The following CAP2 variants were observed in gnomAD, a reference collection of about 807,000 sequenced individuals.
The protein encoded by CAP2 is adenylyl cyclase-associated protein 2.
A neutral mutation model predicts 57.7 loss-of-function variants in CAP2; 24 were observed. That is an observed-to-expected ratio of 0.42 (90% CI 0.30 to 0.58). CAP2 has a LOEUF of 0.58. Among genes scored for constraint, CAP2 ranks in the 20% least tolerant of loss-of-function variants. The pLI is 0.22. For synonymous variants in CAP2, 194 were observed against 207.2 expected (o/e 0.94, Z 0.55); for missense variants, 501 against 590.3 (o/e 0.85, Z 1.57).
chr6:17,407,954 C>CT (rs1759027107), intron 1 of CAP2, among the ~76,000 whole-genome samples: 1 of 152,134 alleles, frequency 6.6e-6, no homozygotes, highest in African/African-American at 2.4e-5. Flanking sequence ...TGGCCCAACA[C>CT]TTAAGAACTG....
chr6:17,507,019 G>T (rs896818132), intron 4 of CAP2, 150 bp from the exon 5 acceptor site: 1 of 755,154 alleles, frequency 1.3e-6, no homozygotes. Context: ...AAGAACAAAT[G>T]CATGCTGTTC....
chr6:17,424,122 A>G (rs907499680), intron 2 of CAP2, among the ~76,000 whole-genome samples: 10 of 151,964 alleles, frequency 6.6e-5, no homozygotes. Context: ...TAAAATCGGG[A>G]TGGACGCAGT....
chr6:17,466,413 C>T (rs1271070952), intron 4 of CAP2, among the ~76,000 whole-genome samples: 1 of 152,108 alleles, frequency 6.6e-6, no homozygotes, highest in Non-Finnish European at 1.5e-5. Context: ...TAAAATGTTC[C>T]CAGGTGATGT....
chr6:17,446,442 G>T (rs138136012), intron 3 of CAP2, among the ~76,000 whole-genome samples: 1 of 152,066 alleles, frequency 6.6e-6, no homozygotes, highest in African/African-American at 2.4e-5. Context: ...AACCATTATT[G>T]GGGTTACCTT....
At chr6:17,507,747 A>G in intron 6 of CAP2, 21 bp downstream of exon 6, 1 of 1,374,614 alleles carries the variant, frequency 7.3e-7, no homozygotes, top group Non-Finnish European at 1.0e-6. Flanking sequence ...TCCTTTACTC[A>G]CCAAATTTTC....
intron 4 of CAP2, among the ~76,000 whole-genome samples, chr6:17,465,673 C>T (rs1399722607): frequency 6.6e-6 from 1 of 152,198 alleles, no homozygotes; most frequent in African/African-American, 2.4e-5. Context: ...AGACCCAGAA[C>T]CAGCAGAAAA....
chr6:17,413,780 G>A (rs1013561444), intron 1 of CAP2, among the ~76,000 whole-genome samples: 9 of 152,188 alleles, frequency 5.9e-5, no homozygotes, highest in East Asian at 1.9e-4. Flanking sequence ...TTGGCCAGAC[G>A]CAGTGGCTCA....
At chr6:17,535,765 G>A (rs1385471584) in intron 7 of CAP2, among the ~76,000 whole-genome samples, 1 of 152,072 alleles carries the variant, frequency 6.6e-6, no homozygotes, top group Non-Finnish European at 1.5e-5. Context: ...CAGTAATATG[G>A]TTGTCATAAT....
At chr6:17,441,203 T>C (rs1760064226) in intron 3 of CAP2, among the ~76,000 whole-genome samples, 1 of 151,434 alleles carries the variant, frequency 6.6e-6, no homozygotes, top group Non-Finnish European at 1.5e-5. Flanking sequence ...GGCTATTTAG[T>C]TATATCGAAG....
chr6:17,403,601 T>A (rs1758872049), intron 1 of CAP2, among the ~76,000 whole-genome samples: 1 of 152,212 alleles, frequency 6.6e-6, no homozygotes, highest in African/African-American at 2.4e-5. Flanking sequence ...ATAGCTTTTT[T>A]TAAAAAATGT....
intron 3 of CAP2, among the ~76,000 whole-genome samples, chr6:17,444,660 T>G (rs1056053035): frequency 4.0e-5 from 5 of 124,426 alleles, no homozygotes; most frequent in Non-Finnish European, 5.1e-5. Flanking sequence ...AAAAAAAAAG[T>G]CATCATGGCC....
At chr6:17,484,720 G>C (rs1287239012) in intron 4 of CAP2, among the ~76,000 whole-genome samples, 1 of 152,170 alleles carries the variant, frequency 6.6e-6, no homozygotes, top group East Asian at 1.9e-4. Context: ...ACCAGGAAAT[G>C]TGACAGTGGC....
intron 7 of CAP2, chr6:17,531,611 T>G (rs1762642123): frequency 7.0e-7 from 1 of 1,427,276 alleles, no homozygotes; most frequent in Admixed American, 1.7e-5. Flanking sequence ...AGCAGGAACC[T>G]TCTTCTTCTC....
At chr6:17,490,370 T>C (rs1414720136) in intron 4 of CAP2, among the ~76,000 whole-genome samples, 1 of 152,250 alleles carries the variant, frequency 6.6e-6, no homozygotes, top group Non-Finnish European at 1.5e-5. Context: ...ACATCATATC[T>C]TCCTGGTGTT....
Position 17,402,668 on chromosome 6 carries a change from G to C in CAP2, c.-2+8922G>C, listed in dbSNP as rs189564188. Among the ~76,000 whole-genome samples, 3 of 152,326 alleles carry C rather than the reference G, an allele frequency of 2.0e-5. No homozygotes were observed. In the East Asian group the frequency reaches 5.8e-4, roughly 29 times the overall value. ...TTTATAAGAATGCTGGAATGAATTT[G>C]CTTAATACATGTAAAACTGGCTTCT... On this transcript the variant is annotated intron_variant, in intron 1 of 12. Coordinates refer to ENST00000229922, the MANE Select transcript of CAP2 (RefSeq NM_006366.3).
chr6:17,443,186 A>C (rs1331999098), intron 3 of CAP2, among the ~76,000 whole-genome samples: 1 of 152,162 alleles, frequency 6.6e-6, no homozygotes, highest in Non-Finnish European at 1.5e-5. Flanking sequence ...CAGGAGTTCT[A>C]GGCTGCAGTG....
rs757406004 is a variant in CAP2, at chr6:17,421,552, T to C, written c.-1-3T>C. On this transcript the variant is annotated splice_polypyrimidine_tract_variant and splice_region_variant and intron_variant, in intron 1 of 12. Coordinates refer to ENST00000229922, the MANE Select transcript of CAP2 (RefSeq NM_006366.3). The stretch of plus-strand genomic sequence containing the variant: ...GCCTCCATTTGTGCCTGTGCTTTTC[T>C]AGAATGGCCAACATGCAGGGACTGG... 2.5e-6 allele frequency: 4 copies of C among 1,614,078 alleles called. No individual in the cohort carries two copies. Among genetic ancestry groups the C allele is most frequent in the African/African-American group, 1.3e-5 (1 of 74,928 alleles).
intron 3 of CAP2, among the ~76,000 whole-genome samples, chr6:17,441,546 A>T (rs9370989): frequency 3.3e-5 from 5 of 151,462 alleles, no homozygotes; most frequent in African/African-American, 1.2e-4. Flanking sequence ...TGCAGTAGCA[A>T]GATCAAGGCT....
At position 17,551,624 on chromosome 6, in the gene CAP2, C is replaced by T; in HGVS notation, c.1350+20C>T. The stretch of plus-strand genomic sequence containing the variant: ...GATTATGTAAGTACCTTTCAAAAGG[C>T]TGTCAAGAATTTTTCTGGAGCCTTC... On this transcript the variant is annotated intron_variant, in intron 12 of 12. Transcript: ENST00000229922. The T allele has an allele frequency of 6.5e-7, 1 of 1,545,526 alleles. No individual in the cohort carries two copies.
Sources: allele counts gnomAD v4.1 joint callset (sites outside exome capture counted in the v4.1 genomes callset), GRCh38; gene constraint gnomAD v4.1.1; transcripts MANE v1.5; gene names NCBI Gene and HGNC (gene_info 2026-07-23, HGNC 2026-07-21).